The following EPHB4 variants were observed in gnomAD, a reference collection of about 807,000 sequenced individuals.
The protein encoded by EPHB4 is ephrin type-B receptor 4.
Under a neutral mutation model 110.6 loss-of-function variants are expected in EPHB4, and 50 were observed. The observed-to-expected ratio is 0.45, with a 90% confidence interval of 0.36 to 0.57. The LOEUF is 0.57. Among genes scored for constraint, EPHB4 ranks in the 20% least tolerant of loss-of-function variants. The pLI is 0.00. For synonymous variants in EPHB4, 592 were observed against 578.4 expected (o/e 1.02, Z -0.34); for missense variants, 1,128 against 1,382.1 (o/e 0.82, Z 2.91).
At chr7:100,817,859 GTTTTTTTTTTTTTT>G (rs33978512) in intron 7 of EPHB4, among the ~76,000 whole-genome samples, 2 of 47,090 alleles carry the variant, frequency 4.2e-5, no homozygotes, top group Non-Finnish European at 7.3e-5. Flanking sequence ...TATTTTTTGC[GTTTTTTTTTTTTTT>G]TTTTTTTTTT....
rs141947643 is a variant in EPHB4, at chr7:100,824,050, G to A, written c.124-119C>T. The A allele has an allele frequency of 6.6e-6, 10 of 1,518,792 alleles. No homozygotes were observed. The East Asian group carries it at 2.3e-4, about 35-fold the overall frequency. 94.1% of individuals were successfully genotyped at this position (1,518,792 alleles called of 1,614,324 possible). A position where few individuals can be genotyped will look rare whatever the true frequency, so the allele number is the denominator to read the frequency against. ...GGGGGGCTGCTGGTACTGCGAGGAGGGCGCCTCTGAGAAGGGCTCAGACGA... is the reference window on the plus strand; with the variant it reads ...GGGGGGCTGCTGGTACTGCGAGGAGAGCGCCTCTGAGAAGGGCTCAGACGA... On this transcript the variant is annotated intron_variant, in intron 2 of 16. Transcript: ENST00000358173.
At chr7:100,813,239 G>C in intron 10 of EPHB4, 31 bp from the exon 11 acceptor site, 2 of 1,570,634 alleles carry the variant, frequency 1.3e-6, no homozygotes. Context: ...CCGTCAGCTG[G>C]GAATTAACTC....
At chr7:100,820,502 T>C (rs1027881135) in intron 4 of EPHB4, 5 of 489,512 alleles carry the variant, frequency 1.0e-5, no homozygotes, top group African/African-American at 2.0e-5. Context: ...CTTTTAAGGC[T>C]GATGAAGTGC....
At chr7:100,825,902 GT>G (rs544235769) in intron 1 of EPHB4, among the ~76,000 whole-genome samples, 143 of 152,088 alleles carry the variant, frequency 9.4e-4, no homozygotes, top group Non-Finnish European at 1.7e-3. Context: ...CATGGTTTTT[GT>G]TCCCCCTTCT....
In EPHB4 at chr7:100,827,483, G is replaced by C. The variant is rs1221025210; in HGVS notation, c.-453C>G. 3.3e-5 allele frequency: 5 copies of C among 151,278 alleles called. No homozygotes were observed. Among genetic ancestry groups the C allele is most frequent in the African/African-American group, 1.2e-4 (5 of 41,202 alleles). The allele number at this position is 151,278 out of a possible 1,614,324, so 9.4% of individuals were successfully genotyped here. A position where few individuals can be genotyped will look rare whatever the true frequency, so the allele number is the denominator to read the frequency against. On this transcript the variant is annotated 5_prime_UTR_variant, in exon 1 of 17. Transcript: ENST00000358173. ...GGGAGGGAGACTGCGGCGCGGAGCC[G>C]GGCGGGCCGGGCCGGGCAGGGGCTG...
chr7:100,815,989 A>C (rs1008823071), intron 8 of EPHB4, among the ~76,000 whole-genome samples: 6 of 151,868 alleles, frequency 4.0e-5, no homozygotes, highest in African/African-American at 1.4e-4. Flanking sequence ...CGTGTCTCTT[A>C]AAAAAAAGAA....
At chr7:100,805,911 C>T in intron 14 of EPHB4, 1 of 437,520 alleles carries the variant, frequency 2.3e-6, no homozygotes, top group Non-Finnish European at 3.9e-6. Flanking sequence ...CCTCTCAACC[C>T]TGCCCTCCAT....
intron 6 of EPHB4, among the ~76,000 whole-genome samples, chr7:100,819,254 A>T (rs1813158514): frequency 1.3e-5 from 2 of 151,922 alleles, no homozygotes; most frequent in South Asian, 4.1e-4. Flanking sequence ...CTGGGACCAC[A>T]GGCATGCACC....
chr7:100,823,792 G>GC lies in EPHB4; in HGVS notation c.262dup (p.Ala88GlyfsTer30). Reference sequence around the variant, plus strand: ...CTCGAGCATGGTGAAGCGCAGCGTGGCGTACACGTGGACGGCGCCCCGCCG... The same window carrying GC: ...CTCGAGCATGGTGAAGCGCAGCGTGGCCGTACACGTGGACGGCGCCCCGCCG... On this transcript the variant is annotated frameshift_variant, in exon 3 of 17. Transcript: ENST00000358173. LOFTEE classifies it high-confidence loss of function. 1 of 1,613,464 alleles carries GC rather than the reference G, an allele frequency of 6.2e-7. No homozygotes were observed. Among genetic ancestry groups the GC allele is most frequent in the East Asian group, 2.2e-5 (1 of 44,876 alleles).
chr7:100,812,667 G>C, intron 12 of EPHB4, 80 bp downstream of exon 12: 2 of 1,543,900 alleles, frequency 1.3e-6, no homozygotes, highest in South Asian at 1.2e-5. Flanking sequence ...CCCACTGTCT[G>C]TCCTGGCTTC....
rs766433020 is a variant in EPHB4 at position 100,826,962 on chromosome 7, CCCG to C, written c.52+14_52+16del. The C allele has an allele frequency of 1.1e-5, 17 of 1,527,168 alleles. No individual in the cohort carries two copies. The highest frequency in any genetic ancestry group is 5.8e-5 in the African/African-American group (4 of 69,412). 94.6% of individuals were successfully genotyped at this position (1,527,168 alleles called of 1,614,324 possible). ...CCAGGAGTGACGGGGTGCGCCCCCC[CCCG>C]CAAGGAAACTCACCTTCCAAAGCTG... On this transcript the variant is annotated intron_variant, in intron 1 of 16. Transcript: ENST00000358173.
At chr7:100,804,551 G>C (rs1484664240) in intron 16 of EPHB4, among the ~76,000 whole-genome samples, 1 of 152,008 alleles carries the variant, frequency 6.6e-6, no homozygotes, top group South Asian at 2.1e-4. Flanking sequence ...CTAACCTCAA[G>C]TGATCTGCCC....
At chr7:100,807,211 C>T (rs1027782993) in intron 13 of EPHB4, among the ~76,000 whole-genome samples, 154 bp downstream of exon 13, 1 of 152,102 alleles carries the variant, frequency 6.6e-6, no homozygotes, top group Admixed American at 6.6e-5. Flanking sequence ...ATCTGGAAGT[C>T]GGCTTCCTGG....
intron 6 of EPHB4, 65 bp downstream of exon 6, chr7:100,819,492 C>T (rs2116449824): frequency 1.3e-6 from 2 of 1,497,620 alleles, no homozygotes; most frequent in Non-Finnish European, 1.8e-6. Flanking sequence ...CCTGCCTCTC[C>T]CCTTCAGGCC....
chr7:100,826,870 G>C, intron 1 of EPHB4, 109 bp downstream of exon 1: 1 of 1,306,982 alleles, frequency 7.7e-7, no homozygotes, highest in Non-Finnish European at 1.0e-6. Context: ...TGGGACTGCA[G>C]TGCCCGGGTA....
intron 12 of EPHB4, among the ~76,000 whole-genome samples, chr7:100,811,210 C>T (rs1436428807): frequency 6.6e-6 from 1 of 151,522 alleles, no homozygotes; most frequent in Non-Finnish European, 1.5e-5. Flanking sequence ...CAAGAACGCA[C>T]CACTGCACTC....
At position 100,812,735 on chromosome 7, in the gene EPHB4, G is replaced by A; in HGVS notation, c.2118+12C>T. The A allele has an allele frequency of 6.2e-7, 1 of 1,609,454 alleles. No individual in the cohort carries two copies. Reference sequence around the variant, plus strand: ...ACTCCGGGTGGCCGCAGAAGCCAGGGAGGGTGCTCACCCGCAGGAAGGAGT... The same window carrying A: ...ACTCCGGGTGGCCGCAGAAGCCAGGAAGGGTGCTCACCCGCAGGAAGGAGT... On this transcript the variant is annotated intron_variant, in intron 12 of 16. Transcript: ENST00000358173.
chr7:100,805,695 C>T lies in EPHB4; in HGVS notation c.2485-1G>A. On this transcript the variant is annotated splice_acceptor_variant, in intron 14 of 16. Coordinates refer to ENST00000358173, the MANE Select transcript of EPHB4 (RefSeq NM_004444.5). LOFTEE classifies it high-confidence loss of function. ...AGTCCTGTTCAATGGCATTGATCACCTGGAAAGAGGGGAAGAAGCTCTGGG... is the reference window on the plus strand; with the variant it reads ...AGTCCTGTTCAATGGCATTGATCACTTGGAAAGAGGGGAAGAAGCTCTGGG... The T allele has an allele frequency of 6.8e-7, 1 of 1,468,560 alleles. No homozygotes were observed. Among genetic ancestry groups the T allele is most frequent in the Non-Finnish European group, 9.0e-7 (1 of 1,110,424 alleles). 91.0% of individuals were successfully genotyped at this position (1,468,560 alleles called of 1,614,324 possible). A position where few individuals can be genotyped will look rare whatever the true frequency, so the allele number is the denominator to read the frequency against.
At position 100,810,954 on chromosome 7, in the gene EPHB4, T is replaced by A. The variant is rs1026898101; in HGVS notation, c.2118+1793A>T. On this transcript the variant is annotated intron_variant, in intron 12 of 16. Transcript: ENST00000358173. ...ACATAGAAAAATGTTTTGATTTTTT[T>A]AAAAAGATGCCTAGGCCAGGCATGG... Among the ~76,000 whole-genome samples the A allele has an allele frequency of 7.9e-5, 12 of 151,758 alleles. 1 individual carries two copies. The South Asian group carries it at 2.3e-3, about 29-fold the overall frequency.
Sources: gnomAD v4.1 joint callset for allele counts (sites outside exome capture counted in the v4.1 genomes callset) on GRCh38, gnomAD v4.1.1 for gene constraint, MANE v1.5 for transcripts, NCBI Gene and HGNC (gene_info 2026-07-23, HGNC 2026-07-21) for gene names.